Variants in TOX3 observed in about 807,000 individuals in gnomAD.
TOX3 encodes the protein CAG trinucleotide repeat-containing gene F9 protein.
Under a neutral mutation model 64.3 loss-of-function variants are expected in TOX3, and 22 were observed. The ratio of observed to expected loss-of-function variants is 0.34; its 90% CI spans 0.24 to 0.49. The LOEUF (loss-of-function observed/expected upper bound fraction) is 0.49. Ranked by LOEUF, TOX3 falls within the 20% of genes least tolerant of loss-of-function variation. TOX3 has a pLI of 0.99. For missense variants in TOX3, 661 were observed against 714.4 expected, an observed-to-expected ratio of 0.93 and a Z score of 0.85; for synonymous variants, 291 against 273.6, an observed-to-expected ratio of 1.06 and a Z score of -0.63.
chr16:52,476,884 G>T (rs1020887613), intron 1 of TOX3, among the ~76,000 whole-genome samples: 1 of 152,034 alleles, frequency 6.6e-6, no homozygotes, highest in African/African-American at 2.4e-5. Flanking sequence ...TCAAGCTAAG[G>T]GCCAACTCAG....
rs1168498170 is a variant in TOX3 at position 52,465,005 on chromosome 16, C to CTTTTTTTTTTTT, written c.154-829_154-818dup. 4.6e-3 allele frequency among the ~76,000 whole-genome samples: 328 copies of CTTTTTTTTTTTT among 70,954 alleles called. 70 individuals are homozygous for CTTTTTTTTTTTT. The highest frequency in any genetic ancestry group is 7.4e-3 in the Admixed American group (35 of 4,732). The allele number at this position is 70,954 out of a possible 152,430, so 46.5% of individuals were successfully genotyped here. A position where few individuals can be genotyped will look rare whatever the true frequency, so the allele number is the denominator to read the frequency against. On this transcript the variant is annotated intron_variant, in intron 2 of 6. Transcript: ENST00000219746. ...AGACCTAAGTAAGTCTTAATGCATTCTTTTTTTTTTTTTTTTTTTTTTTTT... is the reference window on the plus strand; with the variant it reads ...AGACCTAAGTAAGTCTTAATGCATTCTTTTTTTTTTTTTTTTTTTTTTTTTTTTTTTTTTTTT...
At chr16:52,446,288 A>C in intron 4 of TOX3, 67 bp from the exon 5 acceptor site, 1 of 1,494,796 alleles carries the variant, frequency 6.7e-7, no homozygotes, top group Non-Finnish European at 9.1e-7. Context: ...GACTTAACTC[A>C]GATCCATAAT....
chr16:52,505,837 A>G (rs112319457), intron 1 of TOX3, among the ~76,000 whole-genome samples: 2,962 of 152,134 alleles, frequency 0.019, 97 homozygotes, highest in East Asian at 0.16. Context: ...TCAGCTGGGC[A>G]TGGTGGCACA....
chr16:52,514,838 C>T (rs1962404177), intron 1 of TOX3, among the ~76,000 whole-genome samples: 2 of 151,704 alleles, frequency 1.3e-5, no homozygotes, highest in South Asian at 2.1e-4. Context: ...GGTGAAACCT[C>T]GTCTCTACCA....
At chr16:52,504,347 G>A (rs1308097426) in intron 1 of TOX3, among the ~76,000 whole-genome samples, 3 of 151,666 alleles carry the variant, frequency 2.0e-5, no homozygotes, top group South Asian at 2.1e-4. Flanking sequence ...GGCACCTGTC[G>A]TTCCAGCTAC....
Position 52,439,167 on chromosome 16 carries a change from C to A in TOX3, c.*58G>T, listed in dbSNP as rs1005609878. 3.7e-6 allele frequency: 6 copies of A among 1,609,364 alleles called. No individual in the cohort carries two copies. Among genetic ancestry groups the A allele is most frequent in the African/African-American group, 1.3e-5 (1 of 74,884 alleles). On this transcript the variant is annotated 3_prime_UTR_variant, in exon 7 of 7. Coordinates refer to ENST00000219746, the MANE Select transcript of TOX3 (RefSeq NM_001080430.4). Reference sequence around the variant, plus strand: ...AACTTACAGGTTTCAGCCACATATGCTTTTCCCTCCTATGCCACTCTCCTT... The same window carrying A: ...AACTTACAGGTTTCAGCCACATATGATTTTCCCTCCTATGCCACTCTCCTT...
At position 52,530,444 on chromosome 16, in the gene TOX3, C is replaced by A. The variant is rs148448942; in HGVS notation, c.87+16193G>T. Among the ~76,000 whole-genome samples, 13 of 152,072 alleles carry A rather than the reference C, an allele frequency of 8.5e-5. No homozygotes were observed. The East Asian group carries it at 2.5e-3, about 30-fold the overall frequency. ...CTCCGCCTCCCAGGTTCAAGCAATT[C>A]TCCGGCCTCAATCTCCCGAGTAGCT... On this transcript the variant is annotated intron_variant, in intron 1 of 6. Coordinates refer to ENST00000219746, the MANE Select transcript of TOX3 (RefSeq NM_001080430.4).
At chr16:52,531,823 A>G (rs1480639660) in intron 1 of TOX3, among the ~76,000 whole-genome samples, 1 of 152,186 alleles carries the variant, frequency 6.6e-6, no homozygotes, top group Non-Finnish European at 1.5e-5. Flanking sequence ...AAAGATGACA[A>G]GCAGGGAGAG....
At chr16:52,478,830 A>G (rs892359612) in intron 1 of TOX3, among the ~76,000 whole-genome samples, 1 of 152,168 alleles carries the variant, frequency 6.6e-6, no homozygotes, top group African/African-American at 2.4e-5. Flanking sequence ...AAGGGAGACA[A>G]CACAAACTCC....
At chr16:52,525,470 T>C (rs1204739808) in intron 1 of TOX3, among the ~76,000 whole-genome samples, 6 of 152,232 alleles carry the variant, frequency 3.9e-5, no homozygotes, top group Non-Finnish European at 5.9e-5. Flanking sequence ...CATTACCATC[T>C]ATACTCAGAG....
At chr16:52,504,924 T>A (rs1962121039) in intron 1 of TOX3, among the ~76,000 whole-genome samples, 1 of 152,162 alleles carries the variant, frequency 6.6e-6, no homozygotes, top group African/African-American at 2.4e-5. Context: ...AACCTCTGCC[T>A]CCCGGGTTCA....
chr16:52,544,321 C>A (rs1255503651), intron 1 of TOX3, among the ~76,000 whole-genome samples: 1 of 152,164 alleles, frequency 6.6e-6, no homozygotes, highest in Non-Finnish European at 1.5e-5. Flanking sequence ...GTTAATACTT[C>A]CTCTTCTACT....
chr16:52,453,404 G>A (rs1456725759), intron 3 of TOX3, among the ~76,000 whole-genome samples: 3 of 151,860 alleles, frequency 2.0e-5, no homozygotes, highest in Non-Finnish European at 4.4e-5. Context: ...GGCTTGTCTC[G>A]AACTCCTGAC....
chr16:52,546,976 G>A lies in TOX3; in HGVS notation c.-253C>T, dbSNP rs1963211847. ...CGCGCCCCGCCGGGGCACCGAGGCAGCGCTGCGCGCGGGCCGGGCGCCGGG... is the reference window on the plus strand; with the variant it reads ...CGCGCCCCGCCGGGGCACCGAGGCAACGCTGCGCGCGGGCCGGGCGCCGGG... On this transcript the variant is annotated 5_prime_UTR_variant, in exon 1 of 7. Coordinates refer to ENST00000219746, the MANE Select transcript of TOX3 (RefSeq NM_001080430.4). 2 of 978,520 alleles carry A rather than the reference G, an allele frequency of 2.0e-6. No individual in the cohort carries two copies. Among genetic ancestry groups the A allele is most frequent in the Middle Eastern group, 5.2e-4 (1 of 1,928 alleles). 60.6% of individuals were successfully genotyped at this position (978,520 alleles called of 1,614,324 possible).
intron 1 of TOX3, among the ~76,000 whole-genome samples, chr16:52,538,764 C>G (rs992208145): frequency 6.6e-6 from 1 of 152,076 alleles, no homozygotes; most frequent in Non-Finnish European, 1.5e-5. Flanking sequence ...CAAGAAGGGC[C>G]ATTTTCCAGG....
At chr16:52,501,705 T>C (rs1232304306) in intron 1 of TOX3, among the ~76,000 whole-genome samples, 1 of 151,866 alleles carries the variant, frequency 6.6e-6, no homozygotes, top group East Asian at 1.9e-4. Flanking sequence ...GAGAGAGAAT[T>C]ACTAATATTT....
intron 1 of TOX3, among the ~76,000 whole-genome samples, chr16:52,469,678 G>A (rs1960982257): frequency 6.6e-6 from 1 of 152,120 alleles, no homozygotes; most frequent in Non-Finnish European, 1.5e-5. Context: ...GGAGATAAAT[G>A]GGTAGGTACA....
At chr16:52,447,285 G>A (rs1960190631) in intron 4 of TOX3, among the ~76,000 whole-genome samples, 2 of 152,188 alleles carry the variant, frequency 1.3e-5, no homozygotes, top group African/African-American at 4.8e-5. Context: ...TTCAAAGCCA[G>A]CCTTGGGCAA....
intron 1 of TOX3, among the ~76,000 whole-genome samples, chr16:52,516,679 G>C (rs1392515949): frequency 6.6e-6 from 1 of 152,026 alleles, no homozygotes; most frequent in Non-Finnish European, 1.5e-5. Context: ...TGTACTTATT[G>C]GTTTAACTTA....
Sources: gnomAD v4.1 joint callset for allele counts (sites outside exome capture counted in the v4.1 genomes callset) on GRCh38, gnomAD v4.1.1 for gene constraint, MANE v1.5 for transcripts, NCBI Gene and HGNC (gene_info 2026-07-23, HGNC 2026-07-21) for gene names.